The following EPHB1 variants were observed in gnomAD, a reference collection of about 807,000 sequenced individuals.
EPHB1 encodes the protein ephrin type-B receptor 1.
Under a neutral mutation model 94.4 loss-of-function variants are expected in EPHB1, and 30 were observed. The ratio of observed to expected loss-of-function variants is 0.32; its 90% CI spans 0.24 to 0.43. The LOEUF (loss-of-function observed/expected upper bound fraction) is 0.43. Ranked by LOEUF, EPHB1 falls within the 20% of genes least tolerant of loss-of-function variation. The pLI, the probability that EPHB1 is intolerant of heterozygous loss-of-function variation, is 1.00. For missense variants in EPHB1, 1,055 were observed against 1,308.3 expected, an observed-to-expected ratio of 0.81 and a Z score of 2.99; for synonymous variants, 522 against 489.1, an observed-to-expected ratio of 1.07 and a Z score of -0.89.
intron 15 of EPHB1, 59 bp downstream of exon 15, chr3:135,249,550 C>T (rs923340920): frequency 9.0e-5 from 140 of 1,559,094 alleles, no homozygotes; most frequent in Non-Finnish European, 1.2e-4. Flanking sequence ...TCCTTCCCTG[C>T]TATTGCAGAT....
chr3:135,217,954 C>G (rs969868980), intron 12 of EPHB1, among the ~76,000 whole-genome samples: 2 of 152,100 alleles, frequency 1.3e-5, no homozygotes, highest in Non-Finnish European at 2.9e-5. Flanking sequence ...TCCAGTGACC[C>G]CAGGTCCAGC....
intron 3 of EPHB1, among the ~76,000 whole-genome samples, chr3:134,975,569 C>G (rs1934154488): frequency 1.3e-5 from 2 of 152,094 alleles, no homozygotes; most frequent in Admixed American, 6.5e-5. Flanking sequence ...ACCCAACACC[C>G]AGCACCAATG....
intron 9 of EPHB1, among the ~76,000 whole-genome samples, chr3:135,170,018 G>T (rs13434048): frequency 0.056 from 8,563 of 152,256 alleles, 299 homozygotes; most frequent in South Asian, 0.16. Context: ...ACTATATCTG[G>T]ACCATCCACA....
At chr3:135,169,900 C>G (rs1033801659) in intron 9 of EPHB1, among the ~76,000 whole-genome samples, 2 of 152,202 alleles carry the variant, frequency 1.3e-5, no homozygotes, top group African/African-American at 4.8e-5. Flanking sequence ...AGGAGCAGCT[C>G]CAGGACTAAT....
chr3:134,949,915 C>T (rs953055385), intron 2 of EPHB1, among the ~76,000 whole-genome samples: 1 of 152,130 alleles, frequency 6.6e-6, no homozygotes. Flanking sequence ...CTAGAGAGCT[C>T]AGTTAAGGGA....
chr3:134,836,155 C>A (rs1448313894), intron 1 of EPHB1, among the ~76,000 whole-genome samples: 1 of 152,174 alleles, frequency 6.6e-6, no homozygotes, highest in East Asian at 1.9e-4. Context: ...CCATCCAGTC[C>A]CATGAGGCCA....
intron 2 of EPHB1, among the ~76,000 whole-genome samples, chr3:134,941,475 C>T (rs186110763): frequency 1.3e-5 from 2 of 151,368 alleles, no homozygotes; most frequent in South Asian, 2.1e-4. Flanking sequence ...TCAAATCTCT[C>T]ACCTTCATTT....
chr3:135,120,738 G>A (rs559833796), intron 4 of EPHB1, among the ~76,000 whole-genome samples: 37 of 152,284 alleles, frequency 2.4e-4, no homozygotes, highest in South Asian at 1.4e-3. Flanking sequence ...TTACAGCTGC[G>A]TAAGCCAGTG....
chr3:135,245,574 G>A (rs1426564734), intron 13 of EPHB1, among the ~76,000 whole-genome samples: 3 of 151,200 alleles, frequency 2.0e-5, no homozygotes, highest in African/African-American at 4.9e-5. Context: ...TTGGGAGGCC[G>A]AGGCGGGAGG....
At chr3:134,927,507 G>C (rs1485640150) in intron 2 of EPHB1, among the ~76,000 whole-genome samples, 1 of 152,192 alleles carries the variant, frequency 6.6e-6, no homozygotes, top group East Asian at 1.9e-4. Context: ...ATGTAAAGCT[G>C]ATGAGGCAGC....
At chr3:134,897,819 C>T (rs1199480794) in intron 1 of EPHB1, among the ~76,000 whole-genome samples, 4 of 152,186 alleles carry the variant, frequency 2.6e-5, no homozygotes, top group Non-Finnish European at 5.9e-5. Flanking sequence ...TGTCTGCACT[C>T]CCTCCATGGG....
chr3:135,008,366 A>T lies in EPHB1; in HGVS notation c.805+56314A>T, dbSNP rs2107747381. Among the ~76,000 whole-genome samples, 3 of 152,336 alleles carry T rather than the reference A, an allele frequency of 2.0e-5. 1 individual carries two copies. In the South Asian group the frequency reaches 6.2e-4, roughly 32 times the overall value. On this transcript the variant is annotated intron_variant, in intron 3 of 15. Transcript: ENST00000398015. ...TACAGATGAGGATGCTGAAGCACAGAGAAAGGTTAAATAGTTTCCCTGAGT... is the reference window on the plus strand; with the variant it reads ...TACAGATGAGGATGCTGAAGCACAGTGAAAGGTTAAATAGTTTCCCTGAGT...
intron 15 of EPHB1, among the ~76,000 whole-genome samples, chr3:135,254,922 A>G (rs1432670793): frequency 6.6e-6 from 1 of 152,256 alleles, no homozygotes; most frequent in South Asian, 2.1e-4. Flanking sequence ...CAGAGATTCA[A>G]CTTCTTCCTG....
At chr3:135,257,501 T>C (rs1487681237) in intron 15 of EPHB1, among the ~76,000 whole-genome samples, 2 of 152,086 alleles carry the variant, frequency 1.3e-5, no homozygotes, top group East Asian at 3.9e-4. Context: ...GTGCCCCTGC[T>C]GGGGGGTGCC....
intron 3 of EPHB1, among the ~76,000 whole-genome samples, chr3:134,996,883 C>T (rs1935013393): frequency 6.6e-6 from 1 of 151,896 alleles, no homozygotes; most frequent in Non-Finnish European, 1.5e-5. Flanking sequence ...TTTTGAGTGT[C>T]ATAATTTGTT....
At chr3:135,021,715 A>C (rs184624855) in intron 3 of EPHB1, among the ~76,000 whole-genome samples, 1 of 152,152 alleles carries the variant, frequency 6.6e-6, no homozygotes, top group African/African-American at 2.4e-5. Flanking sequence ...AGTGAAGGGG[A>C]ATAAGATTAT....
chr3:134,887,908 G>C (rs569094993), intron 1 of EPHB1, among the ~76,000 whole-genome samples: 48 of 152,320 alleles, frequency 3.2e-4, no homozygotes, highest in Non-Finnish European at 5.6e-4. Flanking sequence ...CTTCCAGCCT[G>C]GATTTGTGTT....
At chr3:134,954,671 A>G (rs974183040) in intron 3 of EPHB1, among the ~76,000 whole-genome samples, 21 of 152,180 alleles carry the variant, frequency 1.4e-4, no homozygotes, top group African/African-American at 5.1e-4. Context: ...TGCATATGTG[A>G]AACTGGGACT....
chr3:135,237,617 C>T (rs1009103098), intron 12 of EPHB1, among the ~76,000 whole-genome samples: 12 of 152,192 alleles, frequency 7.9e-5, no homozygotes, highest in Non-Finnish European at 1.6e-4. Context: ...AGCAAGTCAT[C>T]TGGTACCTTG....
Sources: allele counts gnomAD v4.1 joint callset (sites outside exome capture counted in the v4.1 genomes callset), GRCh38; gene constraint gnomAD v4.1.1; transcripts MANE v1.5; gene names NCBI Gene and HGNC (gene_info 2026-07-23, HGNC 2026-07-21).